The following RICTOR variants were observed in gnomAD, a reference collection of about 807,000 sequenced individuals.
RICTOR encodes rapamycin-insensitive companion of mTOR.
In RICTOR, 49 loss-of-function variants were observed where a neutral mutation model predicts 214.9. The observed-to-expected ratio is 0.23, with a 90% CI of 0.18 to 0.29. The LOEUF is 0.29. RICTOR is among the 10% of genes least tolerant of loss of function. The pLI, the probability that RICTOR is intolerant of heterozygous loss-of-function variation, is 1.00. For missense variants in RICTOR, 1,625 were observed against 2,047.0 expected (o/e 0.79, Z 3.98); for synonymous variants, 717 against 711.3 (o/e 1.01, Z -0.13).
intron 3 of RICTOR, among the ~76,000 whole-genome samples, chr5:39,020,347 C>A (rs1052348115): frequency 6.6e-6 from 1 of 152,074 alleles, no homozygotes; most frequent in East Asian, 1.9e-4. Context: ...AGAGTCAATG[C>A]GGCAAACTTC....
At chr5:39,025,724 T>C (rs1290539453) in intron 2 of RICTOR, among the ~76,000 whole-genome samples, 1 of 152,180 alleles carries the variant, frequency 6.6e-6, no homozygotes, top group African/African-American at 2.4e-5. Context: ...CTGGGGTCCC[T>C]TTTTATAAGG....
chr5:39,038,134 C>T (rs1201909529), intron 2 of RICTOR, among the ~76,000 whole-genome samples: 1 of 152,174 alleles, frequency 6.6e-6, no homozygotes, highest in Non-Finnish European at 1.5e-5. Flanking sequence ...ATCAAGTGGG[C>T]TTCATCCCTG....
chr5:39,061,168 G>A (rs1758515596), intron 2 of RICTOR, among the ~76,000 whole-genome samples: 1 of 152,066 alleles, frequency 6.6e-6, no homozygotes, highest in Admixed American at 6.6e-5. Context: ...AGTGGCCTGT[G>A]TATAAGAAGA....
intron 2 of RICTOR, among the ~76,000 whole-genome samples, chr5:39,045,183 T>G (rs1173135153): frequency 6.6e-6 from 1 of 152,170 alleles, no homozygotes; most frequent in Non-Finnish European, 1.5e-5. Flanking sequence ...TTTTACTTTG[T>G]ACACAAACAC....
At chr5:38,992,881 C>A (rs1381250669) in intron 6 of RICTOR, among the ~76,000 whole-genome samples, 1 of 152,030 alleles carries the variant, frequency 6.6e-6, no homozygotes, top group African/African-American at 2.4e-5. Context: ...AATTAAAGAT[C>A]ATGATTAGGT....
At chr5:39,038,194 T>C (rs919388639) in intron 2 of RICTOR, among the ~76,000 whole-genome samples, 2 of 152,086 alleles carry the variant, frequency 1.3e-5, no homozygotes, top group Admixed American at 1.3e-4. Flanking sequence ...TAATCCAGCA[T>C]ATAAACAGAA....
intron 14 of RICTOR, 80 bp from the exon 15 acceptor site, chr5:38,966,801 A>ATTTTTT (rs11435048): frequency 1.5e-5 from 8 of 549,670 alleles, no homozygotes; most frequent in Admixed American, 3.5e-5. Context: ...ATTTTTCAAA[A>ATTTTTT]TTTTTTTTTT....
chr5:39,026,451 G>A (rs563845933), intron 2 of RICTOR, among the ~76,000 whole-genome samples: 1 of 152,244 alleles, frequency 6.6e-6, no homozygotes, highest in South Asian at 2.1e-4. Flanking sequence ...AGAACTACTA[G>A]AATTACAGTG....
At position 38,996,809 on chromosome 5, in the gene RICTOR, T is replaced by C. The variant is rs770010372; in HGVS notation, c.456+10A>G. 1.9e-6 allele frequency: 3 copies of C among 1,590,554 alleles called. No homozygotes were observed. Among genetic ancestry groups the C allele is most frequent in the Admixed American group, 1.7e-5 (1 of 59,586 alleles). On this transcript the variant is annotated intron_variant, in intron 6 of 37. Transcript: ENST00000357387. ...TAAATTTGCCTTTTACTCTCACACATAGAGCATACCTTTCTGACTAATCGA... is the reference window on the plus strand; with the variant it reads ...TAAATTTGCCTTTTACTCTCACACACAGAGCATACCTTTCTGACTAATCGA...
intron 26 of RICTOR, 110 bp downstream of exon 26, chr5:38,955,485 C>T (rs761723677): frequency 4.1e-4 from 271 of 668,034 alleles, no homozygotes; most frequent in Non-Finnish European, 5.4e-4. Flanking sequence ...ATTAATGCTG[C>T]GCATTAAGAT....
intron 2 of RICTOR, among the ~76,000 whole-genome samples, chr5:39,050,199 A>ATATATAT (rs1554011696): frequency 6.7e-6 from 1 of 148,472 alleles, no homozygotes; most frequent in African/African-American, 2.5e-5. Context: ...TAAATAAATA[A>ATATATAT]ATATATATAT....
chr5:38,947,144 T>G, intron 32 of RICTOR, 120 bp downstream of exon 32: 1 of 704,484 alleles, frequency 1.4e-6, no homozygotes, highest in Non-Finnish European at 2.4e-6. Flanking sequence ...AAAACGGTCT[T>G]AAAAATCATG....
chr5:38,979,308 CTAT>C (rs1241210014), intron 8 of RICTOR, among the ~76,000 whole-genome samples: 4 of 152,170 alleles, frequency 2.6e-5, no homozygotes, highest in Non-Finnish European at 4.4e-5. Context: ...TTTAGAACTA[CTAT>C]ATTTTATTAA....
In RICTOR at chr5:38,953,066, C is replaced by G; in HGVS notation, c.2816G>C (p.Gly939Ala). The change falls in exon 29 of 38, where the codon GGT becomes GCT. Residue 939 changes from glycine (G) to alanine (A), a missense_variant. Gly to Ala is a moderately conservative substitution (Grantham distance 60). Transcript: ENST00000357387. ...ALGNIGSSNW[G>A]LNLLQEENVI... ...GTTTTCTTCCTGTAGCAAATTGAGA[C>G]CCCAATTTGATGAGCCGATATTTCC... 6.2e-7 allele frequency: 1 copy of G among 1,606,172 alleles called. No homozygotes were observed. The highest frequency in any genetic ancestry group is 8.5e-7 in the Non-Finnish European group (1 of 1,174,358).
chr5:39,029,208 CATTTT>C (rs1756086453), intron 2 of RICTOR, among the ~76,000 whole-genome samples: 1 of 151,928 alleles, frequency 6.6e-6, no homozygotes, highest in Non-Finnish European at 1.5e-5. Context: ...AAAATATGTA[CATTTT>C]ATTTTGTGTT....
chr5:38,966,642 A>C lies in RICTOR; in HGVS notation c.1298T>G (p.Met433Arg), dbSNP rs752934309. ...ATILLGELLH[M>R]ANTILPHSHS... is the part of the protein sequence containing the mutation. ...ATAATCAGAAGTTGCTAAACTTACC[A>C]TATGTAAAAGCTCTCCTAAAAGGAT... The change falls in exon 15 of 38, where the codon ATG becomes AGG. Residue 433 changes from methionine (M) to arginine (R), a missense_variant and splice_region_variant. By Grantham distance (91) the Met-to-Arg change is moderately conservative. Around this residue, in one of 5 missense-constraint regions of RICTOR, gnomAD observed 1,214 missense variants for 1,470.5 expected, o/e 0.83. Transcript: ENST00000357387. 1.8e-5 allele frequency: 27 copies of C among 1,492,300 alleles called. No individual in the cohort carries two copies. The highest frequency in any genetic ancestry group is 2.3e-5 in the Non-Finnish European group (25 of 1,077,622). 92.4% of individuals were successfully genotyped at this position (1,492,300 alleles called of 1,614,324 possible). A position where few individuals can be genotyped will look rare whatever the true frequency, so the allele number is the denominator to read the frequency against.
intron 2 of RICTOR, among the ~76,000 whole-genome samples, chr5:39,024,664 T>C (rs1477218069): frequency 6.6e-6 from 1 of 152,220 alleles, no homozygotes; most frequent in East Asian, 1.9e-4. Flanking sequence ...TATCATTAGC[T>C]TGTCAGGCAC....
intron 25 of RICTOR, among the ~76,000 whole-genome samples, chr5:38,956,069 C>G (rs768567860): frequency 6.6e-6 from 1 of 151,976 alleles, no homozygotes; most frequent in Non-Finnish European, 1.5e-5. Context: ...ACCTTATGAG[C>G]CAAGTTGGAC....
chr5:38,990,628 T>C (rs1752574542), intron 7 of RICTOR, among the ~76,000 whole-genome samples: 1 of 95,660 alleles, frequency 1.0e-5, no homozygotes, highest in Non-Finnish European at 2.1e-5. Context: ...ATATATGATA[T>C]ATATATCTGA....
Sources: allele counts gnomAD v4.1 joint callset (sites outside exome capture counted in the v4.1 genomes callset), GRCh38; gene constraint gnomAD v4.1.1; regional missense constraint gnomAD v4.1.1; transcripts MANE v1.5; gene names NCBI Gene and HGNC (gene_info 2026-07-23, HGNC 2026-07-21).